Variants in MAGI2 observed in about 807,000 individuals in gnomAD.
The protein encoded by MAGI2 is membrane associated guanylate kinase, WW and PDZ domain containing 2, also known as membrane-associated guanylate kinase, WW and PDZ domain-containing protein 2.
In MAGI2, 35 loss-of-function variants were observed where a neutral mutation model predicts 133.3. The ratio of observed to expected loss-of-function variants is 0.26; its 90% CI spans 0.20 to 0.35. MAGI2 has a LOEUF of 0.35. MAGI2 is among the 10% of genes least tolerant of loss of function. The pLI is 1.00. For missense variants in MAGI2, 1,636 were observed against 1,863.4 expected, an observed-to-expected ratio of 0.88 and a Z score of 2.25; for synonymous variants, 729 against 710.6, an observed-to-expected ratio of 1.03 and a Z score of -0.41.
chr7:79,057,470 A>T (rs575878454), intron 1 of MAGI2, among the ~76,000 whole-genome samples: 7 of 152,220 alleles, frequency 4.6e-5, no homozygotes, highest in Non-Finnish European at 1.0e-4. Context: ...GAATATGTGT[A>T]TTTTTGTTTC....
intron 2 of MAGI2, among the ~76,000 whole-genome samples, chr7:79,002,255 A>T (rs1012225969): frequency 3.3e-5 from 5 of 151,642 alleles, no homozygotes; most frequent in Admixed American, 2.0e-4. Context: ...AGTAGCTGGG[A>T]CTACTACAGG....
At chr7:79,255,700 C>T (rs1347469014) in intron 1 of MAGI2, among the ~76,000 whole-genome samples, 2 of 152,064 alleles carry the variant, frequency 1.3e-5, no homozygotes, top group Non-Finnish European at 2.9e-5. Context: ...TGGTAAGTCA[C>T]TGCCTGGGGT....
At chr7:78,764,976 C>G (rs1376303590) in intron 2 of MAGI2, among the ~76,000 whole-genome samples, 1 of 152,124 alleles carries the variant, frequency 6.6e-6, no homozygotes, top group Non-Finnish European at 1.5e-5. Context: ...ATGCAAAGAA[C>G]TAAAGGATGA....
At chr7:79,370,672 C>T (rs759483710) in intron 1 of MAGI2, among the ~76,000 whole-genome samples, 16 of 151,448 alleles carry the variant, frequency 1.1e-4, no homozygotes, top group Admixed American at 3.9e-4. Context: ...CTAATACAAC[C>T]GCTTCCCTTA....
intron 1 of MAGI2, among the ~76,000 whole-genome samples, chr7:79,160,645 T>C (rs1824259232): frequency 6.6e-6 from 1 of 151,916 alleles, no homozygotes; most frequent in Non-Finnish European, 1.5e-5. Context: ...CACAGGAAAT[T>C]AGTCCAAAGA....
intron 2 of MAGI2, among the ~76,000 whole-genome samples, chr7:78,655,838 A>G (rs1179046238): frequency 6.6e-6 from 1 of 151,730 alleles, no homozygotes; most frequent in African/African-American, 2.4e-5. Context: ...AAAATTAGCC[A>G]GGCGCGGTGG....
chr7:78,467,806 A>C (rs1232914837), intron 6 of MAGI2, among the ~76,000 whole-genome samples: 1 of 152,160 alleles, frequency 6.6e-6, no homozygotes, highest in East Asian at 1.9e-4. Flanking sequence ...ATAGACAAAG[A>C]AAGTATGTGA....
At chr7:78,619,488 T>C (rs1807482375) in intron 3 of MAGI2, among the ~76,000 whole-genome samples, 1 of 151,974 alleles carries the variant, frequency 6.6e-6, no homozygotes, top group African/African-American at 2.4e-5. Context: ...TTTTCTGTGA[T>C]ATTAGTCTTT....
intron 1 of MAGI2, among the ~76,000 whole-genome samples, chr7:79,081,237 T>C (rs57560121): frequency 0.038 from 5,729 of 152,210 alleles, 238 homozygotes; most frequent in African/African-American, 0.1. Context: ...TTAACTAATG[T>C]CTATTTATCT....
chr7:78,738,719 A>G (rs546778417), intron 2 of MAGI2, among the ~76,000 whole-genome samples: 262 of 152,326 alleles, frequency 1.7e-3, no homozygotes, highest in Admixed American at 3.3e-3. Flanking sequence ...TGAGAATAAA[A>G]TAAATGTGTG....
At chr7:79,084,127 T>C (rs550951023) in intron 1 of MAGI2, among the ~76,000 whole-genome samples, 14 of 151,818 alleles carry the variant, frequency 9.2e-5, no homozygotes, top group Non-Finnish European at 1.9e-4. Flanking sequence ...TTGATCTCTA[T>C]TGTTTTTCTA....
chr7:79,190,061 G>A (rs1827517543), intron 1 of MAGI2, among the ~76,000 whole-genome samples: 1 of 151,130 alleles, frequency 6.6e-6, no homozygotes, highest in Non-Finnish European at 1.5e-5. Context: ...AATTTTTTTT[G>A]TCATTATGAA....
intron 6 of MAGI2, among the ~76,000 whole-genome samples, chr7:78,476,832 C>G (rs538361658): frequency 1.3e-5 from 2 of 151,478 alleles, no homozygotes; most frequent in African/African-American, 4.8e-5. Context: ...GGTTAGGTCA[C>G]AATTATGCAC....
chr7:79,065,761 C>T (rs1051426108), intron 1 of MAGI2, among the ~76,000 whole-genome samples: 8 of 152,084 alleles, frequency 5.3e-5, no homozygotes, highest in Admixed American at 3.3e-4. Context: ...ATCCATGTGT[C>T]CATGTGTTCT....
chr7:79,102,236 A>G (rs1207325247), intron 1 of MAGI2, among the ~76,000 whole-genome samples: 1 of 152,030 alleles, frequency 6.6e-6, no homozygotes, highest in Non-Finnish European at 1.5e-5. Context: ...TCATTTAATC[A>G]TTTGATTTTT....
chr7:78,171,463 G>C (rs1826102038), intron 14 of MAGI2, among the ~76,000 whole-genome samples: 1 of 152,178 alleles, frequency 6.6e-6, no homozygotes, highest in African/African-American at 2.4e-5. Flanking sequence ...CTGAGATTCT[G>C]CAGGTTTAAC....
chr7:79,451,622 A>G (rs1241645512), intron 1 of MAGI2, among the ~76,000 whole-genome samples: 2 of 152,234 alleles, frequency 1.3e-5, no homozygotes, highest in Non-Finnish European at 2.9e-5. Context: ...AACCTTGCCC[A>G]GTACTTCTTT....
intron 1 of MAGI2, among the ~76,000 whole-genome samples, chr7:79,345,384 C>T (rs964605781): frequency 6.6e-6 from 1 of 152,002 alleles, no homozygotes; most frequent in Non-Finnish European, 1.5e-5. Flanking sequence ...CAGAAGGAAC[C>T]AACCCTACTG....
intron 2 of MAGI2, among the ~76,000 whole-genome samples, chr7:78,813,740 C>T (rs183261327): frequency 1.1e-4 from 16 of 141,784 alleles, no homozygotes; most frequent in Non-Finnish European, 1.8e-4. Context: ...GAGCTGAGAT[C>T]GCGCCACTGA....
Sources: allele counts gnomAD v4.1 joint callset (sites outside exome capture counted in the v4.1 genomes callset), GRCh38; gene constraint gnomAD v4.1.1; transcripts MANE v1.5; gene names NCBI Gene and HGNC (gene_info 2026-07-23, HGNC 2026-07-21).